Variants in KCNIP1 observed in about 807,000 individuals in gnomAD.
KCNIP1 encodes A-type potassium channel modulatory protein KCNIP1.
KCNIP1 carries 18 observed loss-of-function variants against 33.0 expected under a neutral mutation model. The ratio of observed to expected loss-of-function variants is 0.55; its 90% CI spans 0.38 to 0.81. The LOEUF is 0.81. KCNIP1 is among the 30% of genes least tolerant of loss of function. The pLI, the probability that KCNIP1 is intolerant of heterozygous loss-of-function variation, is 0.00. For missense variants in KCNIP1, 238 were observed against 271.6 expected, an observed-to-expected ratio of 0.88 and a Z score of 0.87; for synonymous variants, 93 against 98.3, an observed-to-expected ratio of 0.95 and a Z score of 0.32.
intron 1 of KCNIP1, among the ~76,000 whole-genome samples, chr5:170,589,201 A>G (rs962104429): frequency 1.3e-5 from 2 of 151,838 alleles, no homozygotes; most frequent in Non-Finnish European, 2.9e-5. Flanking sequence ...GGGTTTCACC[A>G]TGTTAGCCAG....
intron 1 of KCNIP1, among the ~76,000 whole-genome samples, chr5:170,684,883 T>C (rs1458726132): frequency 1.3e-5 from 2 of 152,240 alleles, no homozygotes; most frequent in Non-Finnish European, 2.9e-5. Context: ...TTTAATTACT[T>C]ACATGTTGAC....
intron 1 of KCNIP1, among the ~76,000 whole-genome samples, chr5:170,657,447 T>A (rs993813720): frequency 3.9e-5 from 6 of 152,172 alleles, no homozygotes; most frequent in Non-Finnish European, 7.4e-5. Flanking sequence ...CCGCCTTGGC[T>A]CAGGCCTCAG....
At chr5:170,425,384 C>T (rs896835532) in intron 1 of KCNIP1, among the ~76,000 whole-genome samples, 12 of 152,202 alleles carry the variant, frequency 7.9e-5, no homozygotes, top group African/African-American at 2.9e-4. Flanking sequence ...CCAATTCTTA[C>T]CTCCAGGCTC....
At chr5:170,418,518 T>TC (rs1755393112) in intron 1 of KCNIP1, among the ~76,000 whole-genome samples, 1 of 152,174 alleles carries the variant, frequency 6.6e-6, no homozygotes, top group Non-Finnish European at 1.5e-5. Context: ...GCTCCCTGCT[T>TC]CCCCCTCAGT....
chr5:170,452,707 C>T (rs545213211), intron 1 of KCNIP1, among the ~76,000 whole-genome samples: 122 of 152,310 alleles, frequency 8.0e-4, no homozygotes, highest in African/African-American at 2.8e-3. Context: ...CTGCCTTTAT[C>T]CTGACAAAGA....
chr5:170,542,089 AG>A (rs1341643067), intron 1 of KCNIP1, among the ~76,000 whole-genome samples: 1 of 152,220 alleles, frequency 6.6e-6, no homozygotes, highest in African/African-American at 2.4e-5. Context: ...TACGCCCAAA[AG>A]TCAAACTGAA....
At chr5:170,635,628 A>G (rs549528348) in intron 1 of KCNIP1, among the ~76,000 whole-genome samples, 52 of 152,352 alleles carry the variant, frequency 3.4e-4, no homozygotes, top group African/African-American at 9.1e-4. Flanking sequence ...TGCTGTCTCT[A>G]TCAGCCTCCC....
intron 7 of KCNIP1, 118 bp downstream of exon 7, chr5:170,734,016 G>A: frequency 2.8e-6 from 2 of 719,804 alleles, no homozygotes; most frequent in South Asian, 3.5e-5. Context: ...CCTCCCATCA[G>A]AGCCAACAAC....
intron 1 of KCNIP1, among the ~76,000 whole-genome samples, chr5:170,495,785 G>A (rs965699341): frequency 1.3e-5 from 2 of 152,240 alleles, no homozygotes; most frequent in African/African-American, 4.8e-5. Context: ...AATAACAGAA[G>A]GAGCCCCGGT....
chr5:170,420,950 G>A (rs1399240328), intron 1 of KCNIP1, among the ~76,000 whole-genome samples: 2 of 152,294 alleles, frequency 1.3e-5, no homozygotes, highest in South Asian at 2.1e-4. Flanking sequence ...GCCGGACAGC[G>A]AGGTCTAGCC....
intron 5 of KCNIP1, among the ~76,000 whole-genome samples, chr5:170,725,534 C>A (rs534345167): frequency 6.6e-6 from 1 of 151,950 alleles, no homozygotes; most frequent in African/African-American, 2.4e-5. Context: ...AGTAGGGGGG[C>A]TGTGGGGGAA....
upstream of KCNIP1, among the ~76,000 whole-genome samples, chr5:170,499,871 G>A (rs972818447): frequency 1.3e-5 from 2 of 152,140 alleles, no homozygotes; most frequent in Non-Finnish European, 1.5e-5. Context: ...AACCTTAGAG[G>A]GGTTGCCTAA....
At chr5:170,529,814 T>C (rs1008573864) in intron 1 of KCNIP1, among the ~76,000 whole-genome samples, 11 of 152,214 alleles carry the variant, frequency 7.2e-5, no homozygotes, top group Non-Finnish European at 1.5e-4. Context: ...TTTGGACCTA[T>C]ATTAAACAGT....
chr5:170,359,494 G>C (rs1463343662), intron 1 of KCNIP1, among the ~76,000 whole-genome samples: 1 of 152,094 alleles, frequency 6.6e-6, no homozygotes, highest in Non-Finnish European at 1.5e-5. Flanking sequence ...TCCGAGTCCT[G>C]GCTCGCTCAC....
At chr5:170,715,331 G>A (rs908851879) in intron 1 of KCNIP1, among the ~76,000 whole-genome samples, 3 of 152,172 alleles carry the variant, frequency 2.0e-5, no homozygotes, top group Non-Finnish European at 4.4e-5. Flanking sequence ...TTCTCAGAGC[G>A]TATCCCTGTT....
intron 1 of KCNIP1, among the ~76,000 whole-genome samples, chr5:170,667,828 T>C (rs571911959): frequency 5.5e-4 from 83 of 152,226 alleles, no homozygotes; most frequent in Non-Finnish European, 9.6e-4. Context: ...TTAATATTAC[T>C]CGAGTTACTG....
chr5:170,633,719 GGC>G (rs1374344678), intron 1 of KCNIP1, among the ~76,000 whole-genome samples: 6 of 41,530 alleles, frequency 1.4e-4, no homozygotes, highest in African/African-American at 4.8e-4. Flanking sequence ...GGGGCGGGGG[GGC>G]GGAGGGGGGG....
chr5:170,451,723 TTGTGTGTGTGTGTGTGTGTG>T (rs67542248), intron 1 of KCNIP1, among the ~76,000 whole-genome samples: 4 of 122,902 alleles, frequency 3.3e-5, no homozygotes, highest in Admixed American at 8.2e-5. Context: ...TTCTCCTGCA[TTGTGTGTGTGTGTGTGTGTG>T]TGTGTGTGTG....
At chr5:170,655,190 T>A (rs1761209997) in intron 1 of KCNIP1, among the ~76,000 whole-genome samples, 1 of 152,210 alleles carries the variant, frequency 6.6e-6, no homozygotes, top group Non-Finnish European at 1.5e-5. Context: ...AAAACTAATA[T>A]TTTTCCCAAT....
Sources: allele counts gnomAD v4.1 joint callset (sites outside exome capture counted in the v4.1 genomes callset), GRCh38; gene constraint gnomAD v4.1.1; transcripts MANE v1.5; gene names NCBI Gene and HGNC (gene_info 2026-07-23, HGNC 2026-07-21).